The following SIN3A variants were observed in gnomAD, a reference collection of about 807,000 sequenced individuals.
SIN3A encodes paired amphipathic helix protein Sin3a.
A neutral mutation model predicts 146.1 loss-of-function variants in SIN3A; 14 were observed. The observed-to-expected ratio is 0.10, with a 90% CI of 0.06 to 0.15. The LOEUF is 0.15. SIN3A is among the 10% of genes least tolerant of loss of function. The pLI is 1.00. For synonymous variants in SIN3A, 572 were observed against 572.0 expected (o/e 1.00, Z 0.00); for missense variants, 1,028 against 1,576.0 (o/e 0.65, Z 5.89).
At chr15:75,452,273 G>A (rs893395042), upstream of SIN3A, among the ~76,000 whole-genome samples, 1 of 152,220 alleles carries the variant, frequency 6.6e-6, no homozygotes, top group African/African-American at 2.4e-5. Flanking sequence ...TCCACCCTGC[G>A]CGAGGAGGCT....
intron 12 of SIN3A, among the ~76,000 whole-genome samples, chr15:75,397,239 T>C: frequency 6.6e-6 from 1 of 152,302 alleles, no homozygotes; most frequent in South Asian, 2.1e-4. Flanking sequence ...TTTGCAGAAG[T>C]GTTCCCTAAG....
intron 9 of SIN3A, among the ~76,000 whole-genome samples, chr15:75,404,800 A>G (rs1371685948): frequency 6.6e-6 from 1 of 152,056 alleles, no homozygotes; most frequent in Non-Finnish European, 1.5e-5. Context: ...AAACAAAAAC[A>G]AAAAACCCAT....
intron 12 of SIN3A, among the ~76,000 whole-genome samples, chr15:75,398,375 C>T (rs1414338723): frequency 4.6e-5 from 7 of 152,134 alleles, no homozygotes; most frequent in Admixed American, 3.9e-4. Context: ...TTCCTAATTA[C>T]TTCAAAATAA....
Sources: gnomAD v4.1 joint callset for allele counts (sites outside exome capture counted in the v4.1 genomes callset) on GRCh38, gnomAD v4.1.1 for gene constraint, MANE v1.5 for transcripts, NCBI Gene and HGNC (gene_info 2026-07-23, HGNC 2026-07-21) for gene names.